XIRP2: variants seen among roughly 807,000 people sequenced by gnomAD.
The protein encoded by XIRP2 is xin actin binding repeat containing 2.
In XIRP2, 236 loss-of-function variants were observed where a neutral mutation model predicts 277.0. The observed-to-expected ratio is 0.85, with a 90% CI of 0.77 to 0.95. The LOEUF is 0.95. Ranked by LOEUF, XIRP2 falls within the 40% of genes least tolerant of loss-of-function variation. The probability of loss-of-function intolerance (pLI) is 0.00; values close to 1 mark genes in which losing one functional copy is unlikely to be tolerated. For synonymous variants in XIRP2, 1,490 were observed against 1,416.5 expected (o/e 1.05, Z -1.17); for missense variants, 4,640 against 4,157.5 (o/e 1.12, Z -3.19).
chr2:167,003,458 A>G (rs899577839), intron 2 of XIRP2, among the ~76,000 whole-genome samples: 1 of 151,872 alleles, frequency 6.6e-6, no homozygotes, highest in Non-Finnish European at 1.5e-5. Flanking sequence ...TAATGTTTCA[A>G]TACATTTTAT....
chr2:166,891,529 T>G (rs1480619326), intron 1 of XIRP2, among the ~76,000 whole-genome samples: 3 of 152,180 alleles, frequency 2.0e-5, no homozygotes, highest in African/African-American at 7.2e-5. Flanking sequence ...AAAATGCCAT[T>G]TCTTTGAATC....
chr2:166,970,209 A>G (rs953848129), intron 2 of XIRP2, among the ~76,000 whole-genome samples: 3 of 152,088 alleles, frequency 2.0e-5, no homozygotes, highest in African/African-American at 4.8e-5. Flanking sequence ...TTTGATAACT[A>G]TCTTTAGGAT....
intron 2 of XIRP2, among the ~76,000 whole-genome samples, chr2:167,068,215 A>G (rs1689347906): frequency 6.6e-6 from 1 of 152,216 alleles, no homozygotes; most frequent in South Asian, 2.1e-4. Context: ...ATTCTTCTCT[A>G]GAATTCCGTT....
chr2:167,100,614 C>T (rs138108478), intron 2 of XIRP2, among the ~76,000 whole-genome samples: 1 of 152,306 alleles, frequency 6.6e-6, no homozygotes, highest in African/African-American at 2.4e-5. Context: ...TAATTACTCA[C>T]CTGGGACTAA....
intron 2 of XIRP2, among the ~76,000 whole-genome samples, chr2:166,956,601 TA>T (rs1452662194): frequency 6.6e-6 from 1 of 151,788 alleles, no homozygotes; most frequent in Non-Finnish European, 1.5e-5. Context: ...TTTCTTCATA[TA>T]AAAAAAGTCC....
chr2:167,246,999 A>G lies in XIRP2; in HGVS notation c.5607A>G (p.Leu1869=), dbSNP rs1695292737. The change falls in exon 9 of 11, where the codon CTA becomes CTG. Residue 1869 remains leucine, a synonymous_variant. Transcript: ENST00000409195. ...AAGAAATTATAAAAGGTAACATGCT[A>G]GCCACACTCAAGTCACTTAAAGAAT... ...KTEEIIKGNM[L]ATLKSLKESS... is the part of the protein sequence containing the mutation. 1 of 1,613,740 alleles carries G rather than the reference A, an allele frequency of 6.2e-7. No homozygotes were observed. The highest frequency in any genetic ancestry group is 8.5e-7 in the Non-Finnish European group (1 of 1,179,762).
chr2:167,110,096 G>A (rs1690714227), intron 2 of XIRP2, among the ~76,000 whole-genome samples: 1 of 152,194 alleles, frequency 6.6e-6, no homozygotes. Flanking sequence ...TGCATAGTTT[G>A]TAAATATTTT....
At chr2:167,257,806 A>G in intron 10 of XIRP2, 51 bp from the exon 11 acceptor site, 1 of 1,519,214 alleles carries the variant, frequency 6.6e-7, no homozygotes, top group Non-Finnish European at 8.8e-7. Flanking sequence ...CCAATTCCCT[A>G]TGAACTTACA....
chr2:167,150,185 AAAT>A (rs1691975049), intron 3 of XIRP2, among the ~76,000 whole-genome samples: 1 of 152,066 alleles, frequency 6.6e-6, no homozygotes, highest in Non-Finnish European at 1.5e-5. Flanking sequence ...ATAATTGAGG[AAAT>A]AAAAATTAAC....
intron 3 of XIRP2, among the ~76,000 whole-genome samples, chr2:167,141,444 TAATG>T (rs1266010699): frequency 1.3e-5 from 2 of 151,822 alleles, no homozygotes; most frequent in African/African-American, 4.8e-5. Context: ...GATGAAAAAA[TAATG>T]AAGAAGTAAA....
intron 9 of XIRP2, 75 bp from the exon 10 acceptor site, chr2:167,253,957 G>A: frequency 6.7e-7 from 1 of 1,485,738 alleles, no homozygotes; most frequent in Non-Finnish European, 9.0e-7. Flanking sequence ...GTTAATATGT[G>A]TTTTTGTTTT....
At chr2:167,212,187 G>T (rs1180774054) in intron 4 of XIRP2, among the ~76,000 whole-genome samples, 1 of 152,166 alleles carries the variant, frequency 6.6e-6, no homozygotes, top group Non-Finnish European at 1.5e-5. Context: ...TAAGTATCTA[G>T]ATCACTTCCA....
At chr2:166,891,640 T>G (rs1439542190) in intron 1 of XIRP2, among the ~76,000 whole-genome samples, 1 of 152,142 alleles carries the variant, frequency 6.6e-6, no homozygotes, top group East Asian at 1.9e-4. Context: ...ATTACTTGCT[T>G]TATTTGGAAA....
chr2:167,176,903 A>T (rs1333644154), intron 3 of XIRP2, among the ~76,000 whole-genome samples: 1 of 151,956 alleles, frequency 6.6e-6, no homozygotes, highest in African/African-American at 2.4e-5. Context: ...TTGGGGAGGG[A>T]TGTGTCTGTC....
intron 2 of XIRP2, among the ~76,000 whole-genome samples, chr2:167,094,673 T>C (rs1690245626): frequency 6.6e-6 from 1 of 152,216 alleles, no homozygotes; most frequent in Non-Finnish European, 1.5e-5. Flanking sequence ...TCCATTGGTC[T>C]ACATATCTGT....
chr2:167,183,477 A>G lies in XIRP2; in HGVS notation c.563-27258A>G, dbSNP rs560965624. 6.6e-5 allele frequency among the ~76,000 whole-genome samples: 10 copies of G among 152,238 alleles called. No homozygotes were observed. In the South Asian group the frequency reaches 2.1e-3, roughly 32 times the overall value. On this transcript the variant is annotated intron_variant, in intron 3 of 10. Transcript: ENST00000409195. ...TACCCATGCTTTCTATTGTTTATCC[A>G]TTTGTCTTCCAGATTAAAAGTTTTG...
At chr2:166,900,045 T>A (rs977505504) in intron 1 of XIRP2, among the ~76,000 whole-genome samples, 1 of 152,024 alleles carries the variant, frequency 6.6e-6, no homozygotes, top group African/African-American at 2.4e-5. Flanking sequence ...TTGGAAAAAA[T>A]TTATCCATGA....
Position 167,011,414 on chromosome 2 carries a change from G to A in XIRP2, c.408+107524G>A, listed in dbSNP as rs774226979. 4.9e-3 allele frequency among the ~76,000 whole-genome samples: 736 copies of A among 150,740 alleles called. 4 individuals are homozygous for A. Among genetic ancestry groups the A allele is most frequent in the Non-Finnish European group, 7.6e-3 (514 of 67,528 alleles). ...TATTGAACCAGCCTTGCATCCCAGG[G>A]ATGAAGCCCACTTGATCATGGTGGA... is the stretch of plus-strand genomic sequence containing the variant. On this transcript the variant is annotated intron_variant, in intron 2 of 10. Coordinates refer to ENST00000409195, the MANE Select transcript of XIRP2 (RefSeq NM_152381.6).
At chr2:167,084,180 C>G (rs966614307) in intron 2 of XIRP2, among the ~76,000 whole-genome samples, 1 of 152,286 alleles carries the variant, frequency 6.6e-6, no homozygotes, top group South Asian at 2.1e-4. Flanking sequence ...AAGGCCTTTT[C>G]TGCATCTATT....
Sources: gnomAD v4.1 joint callset for allele counts (sites outside exome capture counted in the v4.1 genomes callset) on GRCh38, gnomAD v4.1.1 for gene constraint, MANE v1.5 for transcripts, NCBI Gene and HGNC (gene_info 2026-07-23, HGNC 2026-07-21) for gene names.